COQ3: variants seen among roughly 807,000 people sequenced by gnomAD.
The protein encoded by COQ3 is coenzyme Q3, methyltransferase.
A neutral mutation model predicts 33.1 loss-of-function variants in COQ3; 29 were observed. That is an observed-to-expected ratio of 0.88 (90% CI 0.65 to 1.19). The LOEUF is 1.19. COQ3 is among the 50% of genes most tolerant of loss of function. COQ3 has a pLI of 0.00. For synonymous variants in COQ3, 173 were observed against 157.8 expected, an observed-to-expected ratio of 1.10 and a Z score of -0.72; for missense variants, 437 against 430.7, an observed-to-expected ratio of 1.01 and a Z score of -0.13.
intron 3 of COQ3, among the ~76,000 whole-genome samples, chr6:99,378,472 A>T (rs541035276): frequency 2.0e-5 from 3 of 152,202 alleles, no homozygotes; most frequent in African/African-American, 7.2e-5. Context: ...CTAAACTTTA[A>T]CCATAGCTTG....
rs1001913144 is a variant in COQ3, at chr6:99,383,797, G to A, written c.134C>T (p.Thr45Ile). Residue 45 changes from threonine to isoleucine, a missense_variant, in exon 2 of 7, where the codon ACT becomes ATT. By Grantham distance (89) the Thr-to-Ile change is moderately conservative. Coordinates refer to ENST00000254759, the MANE Select transcript of COQ3 (RefSeq NM_017421.4). ...GAAAACCCCTGGTTTAATCTGTAGA[G>A]TCCCACTGAGCTGGTTCTTCACATA... ...AVYVKNQLSG[T>I]LQIKPGVFNE... 27 of 1,585,078 alleles carry A rather than the reference G, an allele frequency of 1.7e-5. No homozygotes were observed. Among genetic ancestry groups the A allele is most frequent in the Non-Finnish European group, 2.1e-5 (25 of 1,169,194 alleles).
At chr6:99,382,706 C>G (rs1582725823) in intron 2 of COQ3, among the ~76,000 whole-genome samples, 2 of 152,128 alleles carry the variant, frequency 1.3e-5, no homozygotes, top group African/African-American at 2.4e-5. Context: ...GTAATCCCAG[C>G]ACTTTGGGAG....
intron 2 of COQ3, among the ~76,000 whole-genome samples, chr6:99,382,518 T>A (rs1326884682): frequency 6.6e-6 from 1 of 152,226 alleles, no homozygotes; most frequent in Non-Finnish European, 1.5e-5. Context: ...AGCCCCCTTG[T>A]CCATGCTTAA....
chr6:99,385,976 C>CAAAAA (rs61403627), intron 1 of COQ3, among the ~76,000 whole-genome samples: 7 of 97,672 alleles, frequency 7.2e-5, no homozygotes, highest in African/African-American at 8.3e-5. Context: ...GACTCTGTCT[C>CAAAAA]AAAAAAAAAA....
chr6:99,383,836 A>C lies in COQ3; in HGVS notation c.107-12T>G, dbSNP rs773968193. The C allele has an allele frequency of 3.2e-6, 5 of 1,561,634 alleles. No homozygotes were observed. In the Middle Eastern group the frequency reaches 5.0e-4, roughly 158 times the overall value. ...GTTCTTCACATAAACTGAAAAAAAA[A>C]ATTAAATATCTAGAGAAAAGCTTTG... On this transcript the variant is annotated splice_polypyrimidine_tract_variant and intron_variant, in intron 1 of 6. Transcript: ENST00000254759.
chr6:99,375,581 C>T (rs1204080451), intron 5 of COQ3, among the ~76,000 whole-genome samples: 2 of 151,972 alleles, frequency 1.3e-5, no homozygotes, highest in Non-Finnish European at 2.9e-5. Flanking sequence ...GATGGGGTTT[C>T]ACCATGTTAC....
In COQ3 at chr6:99,375,999, C is replaced by A. The variant is rs1255913294; in HGVS notation, c.670G>T (p.Val224Phe). 2.5e-6 allele frequency: 4 copies of A among 1,613,950 alleles called. No individual in the cohort carries two copies. The South Asian group carries it at 3.3e-5, about 13-fold the overall frequency. Residue 224 changes from valine (V) to phenylalanine (F), a missense_variant, in exon 5 of 7, where the codon GTT (valine) becomes TTT (phenylalanine). Val to Phe is a conservative substitution (Grantham distance 50). Coordinates refer to ENST00000254759, the MANE Select transcript of COQ3 (RefSeq NM_017421.4). ...ETFDAVVASE[V>F]VEHVIDLETF... ...TCTAGATCAATCACATGTTCTACAA[C>A]TTCAGAAGCTACAACAGCATCAAAT...
At chr6:99,390,611 C>T (rs996943877) in intron 1 of COQ3, among the ~76,000 whole-genome samples, 5 of 152,188 alleles carry the variant, frequency 3.3e-5, no homozygotes, top group Admixed American at 1.3e-4. Flanking sequence ...GGACTACAGG[C>T]GTGAGCCACG....
intron 2 of COQ3, among the ~76,000 whole-genome samples, chr6:99,381,091 T>G (rs540065768): frequency 6.6e-6 from 1 of 152,196 alleles, no homozygotes; most frequent in East Asian, 1.9e-4. Context: ...TTAAGTAAAT[T>G]GTAGAGCTGG....
chr6:99,376,274 A>C, intron 4 of COQ3, 92 bp from the exon 5 acceptor site: 1 of 1,341,112 alleles, frequency 7.5e-7, no homozygotes, highest in African/African-American at 1.5e-5. Flanking sequence ...AAGATTAACC[A>C]TGAGGTGATA....
At position 99,369,735 on chromosome 6, in the gene COQ3, G is replaced by A; in HGVS notation, c.975C>T (p.Asn325=). Residue 325 remains asparagine (N), a synonymous_variant, in exon 7 of 7, where the codon AAC becomes AAT. Coordinates refer to ENST00000254759, the MANE Select transcript of COQ3 (RefSeq NM_017421.4). ...TGGATTTCACAGCATAAGCTGCATA[G>A]TTAAGGCTGGTATTTTCACTCCAAT... is the stretch of plus-strand genomic sequence containing the variant. ...YWHWSENTSL[N]YAAYAVKSRV... The A allele has an allele frequency of 6.2e-7, 1 of 1,613,298 alleles. No homozygotes were observed. Among genetic ancestry groups the A allele is most frequent in the Non-Finnish European group, 8.5e-7 (1 of 1,179,590 alleles).
chr6:99,370,910 A>T (rs1235915923), intron 6 of COQ3, among the ~76,000 whole-genome samples: 1 of 152,224 alleles, frequency 6.6e-6, no homozygotes, highest in Non-Finnish European at 1.5e-5. Context: ...TGTAGAGAGT[A>T]CAAAAAGGAG....
At chr6:99,384,448 CAAATAT>C (rs1427468876) in intron 1 of COQ3, among the ~76,000 whole-genome samples, 3 of 152,014 alleles carry the variant, frequency 2.0e-5, no homozygotes, top group Non-Finnish European at 2.9e-5. Context: ...GAATGATATT[CAAATAT>C]AAAGTGTTAT....
intron 3 of COQ3, among the ~76,000 whole-genome samples, chr6:99,379,013 T>C (rs939457931): frequency 2.8e-4 from 42 of 150,880 alleles, no homozygotes; most frequent in Admixed American, 5.3e-4. Flanking sequence ...TTTTATTTTA[T>C]TTTATTTTAT....
At chr6:99,391,620 AC>A (rs1231320783) in intron 1 of COQ3, among the ~76,000 whole-genome samples, 8 of 152,174 alleles carry the variant, frequency 5.3e-5, no homozygotes, top group African/African-American at 1.9e-4. Context: ...CGGACAGACA[AC>A]CCTTGATCTC....
In COQ3 at chr6:99,377,378, TCACTTACTTCAGTTAACAG is replaced by T; in HGVS notation, c.475_486+7del. On this transcript the variant is annotated splice_donor_variant and splice_donor_5th_base_variant and coding_sequence_variant and intron_variant, in exon 4 of 7. Transcript: ENST00000254759. LOFTEE classifies it high-confidence loss of function. ...CCAGTTAAAAATGGCAGGAAAGCTG[TCACTTACTTCAGTTAACAG>T]CCCACCACCACAGCCAACGTCAAGA... The T allele has an allele frequency of 7.5e-6, 12 of 1,605,046 alleles. No homozygotes were observed. Among genetic ancestry groups the T allele is most frequent in the Non-Finnish European group, 1.0e-5 (12 of 1,171,894 alleles).
intron 2 of COQ3, among the ~76,000 whole-genome samples, chr6:99,381,119 C>T (rs1774461585): frequency 6.6e-6 from 1 of 152,006 alleles, no homozygotes; most frequent in Non-Finnish European, 1.5e-5. Flanking sequence ...GCACAGGTGC[C>T]TCCATCTTCT....
At chr6:99,388,930 CA>C (rs1562210446) in intron 1 of COQ3, among the ~76,000 whole-genome samples, 2,325 of 96,434 alleles carry the variant, frequency 0.024, 39 homozygotes, top group East Asian at 0.061. Flanking sequence ...CACACACACA[CA>C]CACCCACATC....
chr6:99,388,409 A>G (rs1177597325), intron 1 of COQ3, among the ~76,000 whole-genome samples: 1 of 152,142 alleles, frequency 6.6e-6, no homozygotes, highest in African/African-American at 2.4e-5. Context: ...CAAAGAATAA[A>G]CGTGAGACAT....
Sources: allele counts gnomAD v4.1 joint callset (sites outside exome capture counted in the v4.1 genomes callset), GRCh38; gene constraint gnomAD v4.1.1; transcripts MANE v1.5; gene names NCBI Gene and HGNC (gene_info 2026-07-23, HGNC 2026-07-21).